Variants in DPYD observed in about 807,000 individuals in gnomAD.
The protein encoded by DPYD is dihydropyrimidine dehydrogenase [NADP(+)].
Under a neutral mutation model 116.2 loss-of-function variants are expected in DPYD, and 109 were observed. That is an observed-to-expected ratio of 0.94 (90% CI 0.80 to 1.10). The LOEUF (loss-of-function observed/expected upper bound fraction) is 1.10. DPYD is among the 50% of genes least tolerant of loss of function. The probability of loss-of-function intolerance (pLI) is 0.00; values close to 1 mark genes in which losing one functional copy is unlikely to be tolerated. For synonymous variants in DPYD, 440 were observed against 432.0 expected (o/e 1.02, Z -0.23); for missense variants, 1,302 against 1,254.5 (o/e 1.04, Z -0.57).
intron 20 of DPYD, among the ~76,000 whole-genome samples, chr1:97,157,659 C>T (rs1241354788): frequency 6.6e-6 from 1 of 152,100 alleles, no homozygotes; most frequent in Non-Finnish European, 1.5e-5. Flanking sequence ...TGAAATTTCT[C>T]TAGACTCAGG....
Position 97,393,072 on chromosome 1 carries a change from G to A in DPYD, c.1906-10611C>T, listed in dbSNP as rs146188584. Among the ~76,000 whole-genome samples, 191 of 152,104 alleles carry A rather than the reference G, an allele frequency of 1.3e-3. 1 individual carries two copies. Among genetic ancestry groups the A allele is most frequent in the African/African-American group, 4.0e-3 (164 of 41,518 alleles). Reference sequence around the variant, plus strand: ...TCTTATCATTTGTGTGTTCACTGGAGTAACATTTCTAATTTCCTTCAAAAA... The same window carrying A: ...TCTTATCATTTGTGTGTTCACTGGAATAACATTTCTAATTTCCTTCAAAAA... On this transcript the variant is annotated intron_variant, in intron 14 of 22. Coordinates refer to ENST00000370192, the MANE Select transcript of DPYD (RefSeq NM_000110.4).
intron 13 of DPYD, among the ~76,000 whole-genome samples, chr1:97,491,187 TATATA>T (rs529406242): frequency 9.5e-5 from 14 of 147,818 alleles, no homozygotes; most frequent in South Asian, 2.1e-4. Flanking sequence ...TAGTATATTA[TATATA>T]ATATAATTAG....
chr1:97,203,005 G>C (rs959127509), intron 19 of DPYD, among the ~76,000 whole-genome samples: 4 of 152,096 alleles, frequency 2.6e-5, no homozygotes, highest in African/African-American at 9.7e-5. Flanking sequence ...GTAACAACTG[G>C]AGTCTTCTAC....
At chr1:97,736,314 C>G (rs79161819) in intron 4 of DPYD, among the ~76,000 whole-genome samples, 1,704 of 151,378 alleles carry the variant, frequency 0.011, 31 homozygotes, top group African/African-American at 0.039. Flanking sequence ...ATTGCCAACC[C>G]TGAATTCTAT....
At chr1:97,286,578 G>A (rs1184112598) in intron 18 of DPYD, among the ~76,000 whole-genome samples, 7 of 151,482 alleles carry the variant, frequency 4.6e-5, no homozygotes, top group Non-Finnish European at 1.0e-4. Context: ...AGATTTGGTC[G>A]TTTCACATAG....
intron 7 of DPYD, among the ~76,000 whole-genome samples, chr1:97,680,428 C>G (rs1017976830): frequency 1.3e-5 from 2 of 152,028 alleles, no homozygotes. Context: ...AAGAGTAGTC[C>G]TGATTGCAGT....
chr1:97,084,516 G>A (rs942549519), intron 21 of DPYD, among the ~76,000 whole-genome samples: 4 of 151,070 alleles, frequency 2.6e-5, no homozygotes, highest in African/African-American at 7.3e-5. Context: ...TTTTTTTGAT[G>A]GCCAATATCT....
intron 8 of DPYD, among the ~76,000 whole-genome samples, chr1:97,599,951 C>A (rs1218293010): frequency 1.4e-5 from 2 of 146,824 alleles, no homozygotes; most frequent in East Asian, 2.0e-4. Context: ...GAGGCTGAGG[C>A]ACAAGAATCG....
Position 97,415,891 on chromosome 1 carries a change from C to G in DPYD, c.1906-33430G>C, listed in dbSNP as rs530935834. On this transcript the variant is annotated intron_variant, in intron 14 of 22. Coordinates refer to ENST00000370192, the MANE Select transcript of DPYD (RefSeq NM_000110.4). ...AATTTCTATGTGTTTGTCCTGTCTT[C>G]CCAAGAAGTTTATACTCCTTTGATG... 5.3e-5 allele frequency among the ~76,000 whole-genome samples: 8 copies of G among 152,214 alleles called. No homozygotes were observed. In the South Asian group the frequency reaches 1.7e-3, roughly 32 times the overall value.
At chr1:97,310,971 G>A (rs1309643298) in intron 16 of DPYD, among the ~76,000 whole-genome samples, 1 of 151,636 alleles carries the variant, frequency 6.6e-6, no homozygotes, top group Non-Finnish European at 1.5e-5. Flanking sequence ...AAAACAAAAT[G>A]ATGCTAAGTT....
chr1:97,704,798 T>C (rs1661825819), intron 5 of DPYD, among the ~76,000 whole-genome samples: 2 of 152,044 alleles, frequency 1.3e-5, no homozygotes, highest in South Asian at 4.1e-4. Context: ...AACTGACTAA[T>C]ATTCTATGAT....
chr1:97,853,650 G>A (rs1327060503), intron 2 of DPYD, among the ~76,000 whole-genome samples: 5 of 152,124 alleles, frequency 3.3e-5, no homozygotes, highest in Admixed American at 6.5e-5. Context: ...TTTCCAAAAT[G>A]TTTTACACAT....
intron 19 of DPYD, among the ~76,000 whole-genome samples, chr1:97,199,797 A>C (rs1329219761): frequency 1.3e-5 from 2 of 152,264 alleles, no homozygotes; most frequent in East Asian, 3.9e-4. Context: ...ATTGTTGTGA[A>C]GATTAAATTA....
intron 3 of DPYD, among the ~76,000 whole-genome samples, chr1:97,750,664 A>G (rs1288372347): frequency 2.0e-5 from 3 of 152,182 alleles, no homozygotes. Flanking sequence ...ATCCCTCCAA[A>G]GCCTTACAAA....
intron 10 of DPYD, among the ~76,000 whole-genome samples, chr1:97,586,611 A>T: frequency 6.7e-6 from 1 of 150,200 alleles, no homozygotes; most frequent in Non-Finnish European, 1.5e-5. Context: ...AACATAATGC[A>T]ACAACCTCCT....
intron 10 of DPYD, among the ~76,000 whole-genome samples, chr1:97,587,298 G>A (rs937826154): frequency 6.6e-6 from 1 of 152,142 alleles, no homozygotes; most frequent in Non-Finnish European, 1.5e-5. Flanking sequence ...GTGAGTGTTC[G>A]TTTTCAGCTA....
chr1:97,099,994 A>G (rs1338579871), intron 20 of DPYD, among the ~76,000 whole-genome samples: 1 of 152,138 alleles, frequency 6.6e-6, no homozygotes, highest in Non-Finnish European at 1.5e-5. Context: ...AATGGAAACA[A>G]TGTTATGAAT....
At chr1:97,193,892 A>G (rs1658564354) in intron 19 of DPYD, among the ~76,000 whole-genome samples, 1 of 152,138 alleles carries the variant, frequency 6.6e-6, no homozygotes, top group African/African-American at 2.4e-5. Context: ...CTAACTACCA[A>G]CCATTCCTCA....
chr1:97,533,861 C>A (rs376917648), intron 12 of DPYD, among the ~76,000 whole-genome samples: 1 of 152,066 alleles, frequency 6.6e-6, no homozygotes, highest in African/African-American at 2.4e-5. Context: ...ATAACAATAT[C>A]TATAGGGAAG....
Sources: allele counts gnomAD v4.1 joint callset (sites outside exome capture counted in the v4.1 genomes callset), GRCh38; gene constraint gnomAD v4.1.1; transcripts MANE v1.5; gene names NCBI Gene and HGNC (gene_info 2026-07-23, HGNC 2026-07-21).